Variants in MRAP2 observed in about 807,000 individuals in gnomAD.
The protein encoded by MRAP2 is melanocortin-2 receptor accessory protein 2.
Under a neutral mutation model 17.4 loss-of-function variants are expected in MRAP2, and 20 were observed. The ratio of observed to expected loss-of-function variants is 1.15; its 90% confidence interval spans 0.81 to 1.67. MRAP2 has a LOEUF of 1.67. MRAP2 is among the 40% of genes most tolerant of loss of function. The pLI is 0.00. For synonymous variants in MRAP2, 96 were observed against 88.4 expected, an observed-to-expected ratio of 1.09 and a Z score of -0.48; for missense variants, 238 against 240.0, an observed-to-expected ratio of 0.99 and a Z score of 0.05.
At chr6:84,045,149 G>A (rs2099488648) in intron 1 of MRAP2, 1 of 910,848 alleles carries the variant, frequency 1.1e-6, no homozygotes, top group Admixed American at 6.2e-5. Context: ...CTGGATTTTG[G>A]TATCTGAGAG....
At chr6:84,070,009 T>C (rs894039061) in intron 3 of MRAP2, among the ~76,000 whole-genome samples, 1 of 152,142 alleles carries the variant, frequency 6.6e-6, no homozygotes, top group Non-Finnish European at 1.5e-5. Context: ...TTGCTAATGG[T>C]TTATCAATTT....
chr6:84,096,965 G>A, the MRAP2 span, among the ~76,000 whole-genome samples: 2 of 152,188 alleles, frequency 1.3e-5, no homozygotes, highest in African/African-American at 4.8e-5. Flanking sequence ...ACATTTATTA[G>A]GCACTAAGCT....
At chr6:84,037,955 G>T (rs1015031579) in intron 1 of MRAP2, among the ~76,000 whole-genome samples, 3 of 152,244 alleles carry the variant, frequency 2.0e-5, no homozygotes, top group Non-Finnish European at 4.4e-5. Context: ...AGGAGGTGCT[G>T]AGAGTGAGCG....
chr6:84,122,352 C>CAAAAAAAAAAAA, the MRAP2 span, among the ~76,000 whole-genome samples: 10 of 36,144 alleles, frequency 2.8e-4, 1 homozygote, highest in African/African-American at 4.6e-4. Flanking sequence ...ACAGCACATC[C>CAAAAAAAAAAAA]AAAAAAAAAA....
chr6:84,068,928 C>T (rs2099495497), intron 3 of MRAP2, among the ~76,000 whole-genome samples: 2 of 151,594 alleles, frequency 1.3e-5, no homozygotes, highest in Admixed American at 1.3e-4. Context: ...CTCAGCCTCC[C>T]AAAGTGCTAG....
intron 1 of MRAP2, among the ~76,000 whole-genome samples, chr6:84,038,964 A>G (rs112737188): frequency 1.3e-5 from 2 of 152,252 alleles, no homozygotes; most frequent in Admixed American, 6.5e-5. Context: ...AGCTCAGAGT[A>G]GGTAACATAT....
chr6:84,095,305 G>A (rs1249704372), downstream of MRAP2, among the ~76,000 whole-genome samples: 7 of 152,200 alleles, frequency 4.6e-5, no homozygotes, highest in South Asian at 2.1e-4. Context: ...CATCTTCCAA[G>A]GCTGTTCACT....
rs192083683 is a variant in MRAP2 at position 84,085,649 on chromosome 6, C to T, written c.228-3442C>T. 8.1e-4 allele frequency among the ~76,000 whole-genome samples: 124 copies of T among 152,226 alleles called. 1 individual carries two copies. Among genetic ancestry groups the T allele is most frequent in the Non-Finnish European group, 2.8e-4 (19 of 68,004 alleles). ...ATAACCAAACCCAAATCGGATTGTT[C>T]ACAGAAATTTTAACCCAGGCATGCA... On this transcript the variant is annotated intron_variant, in intron 3 of 3. Transcript: ENST00000257776.
In MRAP2 at chr6:84,038,167, C is replaced by T. The variant is rs763249157; in HGVS notation, c.-8+4284C>T. Among the ~76,000 whole-genome samples, 7 of 152,148 alleles carry T rather than the reference C, an allele frequency of 4.6e-5. No individual in the cohort carries two copies. The South Asian group carries it at 8.3e-4, about 18-fold the overall frequency. On this transcript the variant is annotated intron_variant, in intron 1 of 3. Transcript: ENST00000257776. ...ATGGGAGGAAGGGCTGGCCTAAGGG[C>T]GAGGGCCCCTGGCAGCAGAAGTAGG...
At chr6:84,135,248 A>G in the MRAP2 span, among the ~76,000 whole-genome samples, 18 of 152,322 alleles carry the variant, frequency 1.2e-4, no homozygotes, top group East Asian at 3.1e-3. Flanking sequence ...CATCAATAAA[A>G]AGCATAAAAG....
chr6:84,097,871 C>T, the MRAP2 span, among the ~76,000 whole-genome samples: 1 of 152,180 alleles, frequency 6.6e-6, no homozygotes. Context: ...CCTCTTTCCT[C>T]TGTTAAGTAG....
intron 3 of MRAP2, among the ~76,000 whole-genome samples, chr6:84,079,606 A>T (rs1429584280): frequency 6.6e-6 from 1 of 152,212 alleles, no homozygotes; most frequent in African/African-American, 2.4e-5. Context: ...GGTGTCCACG[A>T]TGAGTTTTTC....
At chr6:84,049,442 AAAAC>A (rs986042564) in intron 1 of MRAP2, among the ~76,000 whole-genome samples, 13 of 152,232 alleles carry the variant, frequency 8.5e-5, no homozygotes, top group East Asian at 7.7e-4. Flanking sequence ...AAACACACAA[AAAAC>A]AAACAAAACA....
At position 84,049,981 on chromosome 6, in the gene MRAP2, C is replaced by CGTGTGTGTGTGTGTGTGTGT. The variant is rs566111982; in HGVS notation, c.-7-5331_-7-5330insGTGTGTGTGTGTGTGTGTGT. ...ACGAAGAGCCCAGCGTGCGTGCATT[C>CGTGTGTGTGTGTGTGTGTGT]ATGTGTGTGTGTGTGTACGTGCGTG... On this transcript the variant is annotated intron_variant, in intron 1 of 3. Transcript: ENST00000257776. 4.1e-3 allele frequency among the ~76,000 whole-genome samples: 550 copies of CGTGTGTGTGTGTGTGTGTGT among 134,414 alleles called. 2 individuals carry two copies. Among genetic ancestry groups the CGTGTGTGTGTGTGTGTGTGT allele is most frequent in the African/African-American group, 0.017 (500 of 30,032 alleles). The allele number at this position is 134,414 out of a possible 152,430, so 88.2% of individuals were successfully genotyped here. A position where few individuals can be genotyped will look rare whatever the true frequency, so the allele number is the denominator to read the frequency against.
chr6:84,042,306 C>T (rs1476551751), intron 1 of MRAP2, among the ~76,000 whole-genome samples: 12 of 152,150 alleles, frequency 7.9e-5, no homozygotes, highest in Admixed American at 7.9e-4. Context: ...ATTACCCAGT[C>T]TCAGGTATGT....
At chr6:84,125,370 T>C in the MRAP2 span, 3 of 1,037,718 alleles carry the variant, frequency 2.9e-6, no homozygotes, top group East Asian at 4.9e-5. Context: ...TGGGGTTTCT[T>C]TGGGGAACTC....
chr6:84,088,433 C>T (rs1371116418), intron 3 of MRAP2, among the ~76,000 whole-genome samples: 4 of 152,134 alleles, frequency 2.6e-5, no homozygotes, highest in African/African-American at 7.2e-5. Context: ...GGGTTTTATT[C>T]CCACTCATAC....
chr6:84,140,502 G>A, the MRAP2 span, among the ~76,000 whole-genome samples: 88 of 152,126 alleles, frequency 5.8e-4, no homozygotes, highest in Non-Finnish European at 1.1e-3. Flanking sequence ...GGCAACCATG[G>A]TTAAGCTACA....
intron 3 of MRAP2, among the ~76,000 whole-genome samples, chr6:84,064,297 G>A (rs2099493962): frequency 6.6e-6 from 1 of 151,876 alleles, no homozygotes; most frequent in African/African-American, 2.4e-5. Context: ...TCAAAGTTAA[G>A]ACCAAGACCT....
Sources: gnomAD v4.1 joint callset for allele counts (sites outside exome capture counted in the v4.1 genomes callset) on GRCh38, gnomAD v4.1.1 for gene constraint, MANE v1.5 for transcripts, NCBI Gene and HGNC (gene_info 2026-07-23, HGNC 2026-07-21) for gene names.